SHANK2: variants seen among roughly 807,000 people sequenced by gnomAD.
SHANK2 encodes the protein SH3 and multiple ankyrin repeat domains 2.
SHANK2 carries 43 observed loss-of-function variants against 133.7 expected under a neutral mutation model. The ratio of observed to expected loss-of-function variants is 0.32; its 90% CI spans 0.25 to 0.41. The LOEUF is 0.41. SHANK2 is among the 10% of genes least tolerant of loss of function. The probability of loss-of-function intolerance (pLI) is 1.00; values close to 1 mark genes in which losing one functional copy is unlikely to be tolerated. For synonymous variants in SHANK2, 1,017 were observed against 952.8 expected (o/e 1.07, Z -1.24); for missense variants, 1,994 against 2,235.8 (o/e 0.89, Z 2.18).
chr11:70,714,976 T>C (rs1328392526), intron 14 of SHANK2, among the ~76,000 whole-genome samples: 1 of 151,834 alleles, frequency 6.6e-6, no homozygotes, highest in African/African-American at 2.4e-5. Context: ...TGGCTTTTTT[T>C]TTTTTTACTT....
At chr11:70,813,251 A>C (rs1438305128) in intron 12 of SHANK2, among the ~76,000 whole-genome samples, 2 of 152,160 alleles carry the variant, frequency 1.3e-5, no homozygotes, top group Non-Finnish European at 2.9e-5. Context: ...GGGCCTACCC[A>C]CAAAAGGCTA....
intron 17 of SHANK2, among the ~76,000 whole-genome samples, chr11:70,565,613 G>A (rs2059958922): frequency 6.6e-6 from 1 of 152,172 alleles, no homozygotes; most frequent in South Asian, 2.1e-4. Flanking sequence ...CCACAGCCTG[G>A]AAACGCTCAG....
At chr11:70,654,763 G>GTCTT (rs1555011081) in intron 17 of SHANK2, among the ~76,000 whole-genome samples, 2 of 135,504 alleles carry the variant, frequency 1.5e-5, no homozygotes, top group Admixed American at 7.6e-5. Flanking sequence ...TTTTGTTTTT[G>GTCTT]TTTTTTTTGT....
intron 3 of SHANK2, among the ~76,000 whole-genome samples, chr11:71,123,012 G>T (rs1265192258): frequency 1.3e-5 from 2 of 152,164 alleles, no homozygotes; most frequent in African/African-American, 4.8e-5. Context: ...TCATCTCTGA[G>T]AGCGGAACTC....
chr11:71,172,365 A>G (rs1555112348), intron 2 of SHANK2, among the ~76,000 whole-genome samples: 1 of 152,080 alleles, frequency 6.6e-6, no homozygotes, highest in African/African-American at 2.4e-5. Context: ...TAATCCCAGC[A>G]CTTGCGAGCG....
intron 2 of SHANK2, among the ~76,000 whole-genome samples, chr11:71,163,071 TAAAA>T (rs1159852026): frequency 2.2e-5 from 1 of 45,608 alleles, no homozygotes; most frequent in Non-Finnish European, 3.9e-5. Context: ...AGACTCTGTC[TAAAA>T]AAAAAAAAAA....
chr11:70,748,984 T>TC (rs146499335), intron 14 of SHANK2, among the ~76,000 whole-genome samples: 3 of 136,722 alleles, frequency 2.2e-5, no homozygotes, highest in Non-Finnish European at 4.7e-5. Flanking sequence ...CAATAACGAA[T>TC]CCCCCCCATC....
At chr11:70,598,155 A>G (rs2060426507) in intron 17 of SHANK2, among the ~76,000 whole-genome samples, 2 of 152,240 alleles carry the variant, frequency 1.3e-5, no homozygotes, top group Non-Finnish European at 2.9e-5. Flanking sequence ...GGTCCCATAG[A>G]GGGGCAGATG....
intron 2 of SHANK2, among the ~76,000 whole-genome samples, chr11:71,206,026 T>C (rs1555117929): frequency 1.3e-5 from 2 of 152,120 alleles, no homozygotes; most frequent in African/African-American, 4.8e-5. Flanking sequence ...AGGTCCAATT[T>C]CTCTCCGTGT....
intron 15 of SHANK2, among the ~76,000 whole-genome samples, chr11:70,687,754 G>A (rs1213973100): frequency 6.6e-6 from 1 of 152,224 alleles, no homozygotes; most frequent in Non-Finnish European, 1.5e-5. Flanking sequence ...CAGAGCTCCT[G>A]AGCTCTGGGG....
chr11:70,655,149 T>C (rs1275709918), intron 17 of SHANK2, among the ~76,000 whole-genome samples: 1 of 152,190 alleles, frequency 6.6e-6, no homozygotes, highest in Non-Finnish European at 1.5e-5. Context: ...TACTACCACA[T>C]TGATTGTGAA....
intron 2 of SHANK2, among the ~76,000 whole-genome samples, chr11:71,206,042 G>A (rs574469069): frequency 1.8e-4 from 27 of 152,224 alleles, no homozygotes; most frequent in African/African-American, 5.5e-4. Context: ...CGTGTGCCCC[G>A]CGCCAGCCTG....
At chr11:70,702,187 TCAC>T (rs1237906613) in intron 14 of SHANK2, among the ~76,000 whole-genome samples, 2 of 147,800 alleles carry the variant, frequency 1.4e-5, no homozygotes, top group East Asian at 2.1e-4. Flanking sequence ...ATTACTGCCA[TCAC>T]CACCACCATC....
intron 11 of SHANK2, among the ~76,000 whole-genome samples, chr11:70,858,859 G>C (rs191170875): frequency 6.6e-6 from 1 of 152,182 alleles, no homozygotes; most frequent in Non-Finnish European, 1.5e-5. Context: ...CTACTGCAGG[G>C]TCTTGGCCAA....
intron 17 of SHANK2, among the ~76,000 whole-genome samples, chr11:70,589,296 A>C (rs1554987497): frequency 1.3e-5 from 2 of 152,248 alleles, no homozygotes; most frequent in African/African-American, 4.8e-5. Flanking sequence ...CTAGGGCCTT[A>C]GGAATTATGT....
At chr11:71,152,699 G>A (rs1296558250) in intron 2 of SHANK2, among the ~76,000 whole-genome samples, 4 of 152,170 alleles carry the variant, frequency 2.6e-5, no homozygotes, top group African/African-American at 7.2e-5. Flanking sequence ...CCGGGATTTC[G>A]TGCAGAAGCA....
intron 14 of SHANK2, among the ~76,000 whole-genome samples, chr11:70,792,364 TAACCAACC>T (rs1262625901): frequency 2.0e-5 from 2 of 99,124 alleles, no homozygotes; most frequent in South Asian, 3.3e-4. Flanking sequence ...GCTAGCTAAT[TAACCAACC>T]AACCAACCAA....
Position 70,676,041 on chromosome 11 carries a change from T to G in SHANK2, c.1854-14363A>C, listed in dbSNP as rs571810022. Among the ~76,000 whole-genome samples the G allele has an allele frequency of 6.6e-5, 10 of 152,380 alleles. No homozygotes were observed. In the South Asian group the frequency reaches 2.1e-3, roughly 32 times the overall value. On this transcript the variant is annotated intron_variant, in intron 15 of 25. Coordinates refer to ENST00000601538, the MANE Select transcript of SHANK2 (RefSeq NM_012309.5). ...ACTCCCACCTACAACACTCTATACC[T>G]GCTATCTCTATCAGTTGAACTCCTA...
intron 17 of SHANK2, among the ~76,000 whole-genome samples, chr11:70,610,786 C>A (rs2136383776): frequency 6.6e-6 from 1 of 152,334 alleles, no homozygotes; most frequent in South Asian, 2.1e-4. Context: ...TCTGGGCTTT[C>A]TGCATCTTTT....
Sources: allele counts gnomAD v4.1 joint callset (sites outside exome capture counted in the v4.1 genomes callset), GRCh38; gene constraint gnomAD v4.1.1; transcripts MANE v1.5; gene names NCBI Gene and HGNC (gene_info 2026-07-23, HGNC 2026-07-21).